Variants in ARID4B observed in about 807,000 individuals in gnomAD.
ARID4B encodes AT-rich interaction domain 4B, also known as AT-rich interactive domain-containing protein 4B.
Under a neutral mutation model 147.5 loss-of-function variants are expected in ARID4B, and 26 were observed. The observed-to-expected ratio is 0.18, with a 90% CI of 0.13 to 0.24. The LOEUF is 0.24. Among genes scored for constraint, ARID4B ranks in the 10% least tolerant of loss-of-function variants. The pLI is 1.00. For synonymous variants in ARID4B, 512 were observed against 507.9 expected, an observed-to-expected ratio of 1.01 and a Z score of -0.11; for missense variants, 1,179 against 1,511.5, an observed-to-expected ratio of 0.78 and a Z score of 3.65.
chr1:235,249,938 CA>C (rs527488457), intron 6 of ARID4B, among the ~76,000 whole-genome samples: 16,563 of 92,672 alleles, frequency 0.18, 1,171 homozygotes, highest in African/African-American at 0.27. Flanking sequence ...GACTCCATCT[CA>C]AAAAAAAAAA....
chr1:235,327,230 T>G, intron 1 of ARID4B: 2 of 282,578 alleles, frequency 7.1e-6, no homozygotes, highest in Non-Finnish European at 1.4e-5. Flanking sequence ...ATGACGCCAT[T>G]TCTGTCAGAG....
chr1:235,200,926 A>T (rs1665871757), intron 17 of ARID4B, among the ~76,000 whole-genome samples: 1 of 152,058 alleles, frequency 6.6e-6, no homozygotes, highest in South Asian at 2.1e-4. Flanking sequence ...GGCGGATCAC[A>T]AGATCAGGTG....
Position 235,180,245 on chromosome 1 carries a change from T to A in ARID4B, c.3334+1340A>T, listed in dbSNP as rs542120636. ...CAGCCTTTCCGGGATCAAGTGATTCTCCCTCATCAGCCCCCAAGGTAGCTG... is the reference window on the plus strand; with the variant it reads ...CAGCCTTTCCGGGATCAAGTGATTCACCCTCATCAGCCCCCAAGGTAGCTG... On this transcript the variant is annotated intron_variant, in intron 20 of 23. Transcript: ENST00000264183. 189 of 146,908 alleles carry A rather than the reference T, an allele frequency of 1.3e-3. 1 individual carries two copies. The highest frequency in any genetic ancestry group is 4.6e-3 in the African/African-American group (185 of 40,100). 9.1% of individuals were successfully genotyped at this position (146,908 alleles called of 1,614,324 possible). A position where few individuals can be genotyped will look rare whatever the true frequency, so the allele number is the denominator to read the frequency against.
intron 2 of ARID4B, among the ~76,000 whole-genome samples, chr1:235,273,963 G>A (rs1469478794): frequency 6.6e-6 from 1 of 152,132 alleles, no homozygotes; most frequent in African/African-American, 2.4e-5. Flanking sequence ...AATCAAACCT[G>A]CAACAAGCGA....
At chr1:235,229,159 C>T in intron 11 of ARID4B, 72 bp downstream of exon 11, 10 of 1,533,090 alleles carry the variant, frequency 6.5e-6, no homozygotes, top group Non-Finnish European at 8.8e-6. Context: ...TGACTTAATG[C>T]CAAATCCTAA....
intron 2 of ARID4B, among the ~76,000 whole-genome samples, chr1:235,300,173 T>A (rs982950899): frequency 7.2e-5 from 11 of 152,254 alleles, no homozygotes; most frequent in Admixed American, 5.2e-4. Flanking sequence ...CCCAGCACTT[T>A]GGGAGGCTGA....
chr1:235,172,131 T>C (rs1663410192), intron 23 of ARID4B, among the ~76,000 whole-genome samples: 1 of 152,210 alleles, frequency 6.6e-6, no homozygotes. Flanking sequence ...TGAAAGTGAA[T>C]ATTATGATCT....
intron 20 of ARID4B, 49 bp from the exon 21 acceptor site, chr1:235,177,962 C>G (rs1203884874): frequency 1.3e-5 from 14 of 1,093,172 alleles, no homozygotes; most frequent in Non-Finnish European, 1.9e-5. Flanking sequence ...CCAACATTCC[C>G]TAAGTATAAA....
intron 2 of ARID4B, among the ~76,000 whole-genome samples, chr1:235,287,586 C>T (rs535576724): frequency 6.6e-6 from 1 of 152,274 alleles, no homozygotes; most frequent in South Asian, 2.1e-4. Flanking sequence ...AAATTAATGC[C>T]TAATTATCAG....
intron 2 of ARID4B, among the ~76,000 whole-genome samples, chr1:235,323,754 G>T (rs952214133): frequency 6.6e-6 from 1 of 151,350 alleles, no homozygotes; most frequent in African/African-American, 2.4e-5. Context: ...ACTGCACTCC[G>T]GCCTGGGCAA....
At chr1:235,325,703 T>G (rs765955347) in intron 2 of ARID4B, among the ~76,000 whole-genome samples, 3 of 152,254 alleles carry the variant, frequency 2.0e-5, no homozygotes, top group Non-Finnish European at 4.4e-5. Flanking sequence ...AAGGGATTCA[T>G]TCCTGAAACA....
chr1:235,246,302 CGAAATTACTATTAGATCT>C (rs879554276), intron 7 of ARID4B, 100 bp downstream of exon 7: 34 of 783,134 alleles, frequency 4.3e-5, no homozygotes, highest in Non-Finnish European at 7.0e-5. Flanking sequence ...CTATTAGATC[CGAAATTACTATTAGATCT>C]GGTTAGCATT....
At chr1:235,311,737 G>A (rs1674068112) in intron 2 of ARID4B, among the ~76,000 whole-genome samples, 1 of 150,426 alleles carries the variant, frequency 6.6e-6, no homozygotes, top group Admixed American at 6.6e-5. Context: ...CTGTGCCACT[G>A]CACTCCAGCC....
intron 11 of ARID4B, 124 bp from the exon 12 acceptor site, chr1:235,224,899 A>G (rs1667725997): frequency 3.0e-6 from 2 of 662,646 alleles, no homozygotes; most frequent in Admixed American, 3.0e-5. Context: ...TTACGTAATC[A>G]AAGTTACTCT....
In ARID4B at chr1:235,213,950, CCT is replaced by C; in HGVS notation, c.1658_1659del (p.Glu553GlyfsTer2). 6.2e-7 allele frequency: 1 copy of C among 1,606,708 alleles called. No individual in the cohort carries two copies. The highest frequency in any genetic ancestry group is 8.5e-7 in the Non-Finnish European group (1 of 1,173,874). ...EEEEEEEEEE[E>X]DEDDDDNNEE... The stretch of plus-strand genomic sequence containing the variant: ...TCATTGTTGTCATCATCATCTTCAT[CCT>C]CTTCTTCTTCTTCCTCCTCCTCCTC... On this transcript the variant is annotated frameshift_variant, in exon 17 of 24. Coordinates refer to ENST00000264183, the MANE Select transcript of ARID4B (RefSeq NM_016374.6). LOFTEE classifies it high-confidence loss of function.
chr1:235,327,670 G>A (rs1268163536), intron 1 of ARID4B, 99 bp downstream of exon 1: 2 of 152,332 alleles, frequency 1.3e-5, no homozygotes, highest in Non-Finnish European at 2.9e-5. Context: ...GGCGCCGCAG[G>A]GACCACCACC....
intron 2 of ARID4B, among the ~76,000 whole-genome samples, chr1:235,299,255 C>T (rs1672961660): frequency 6.6e-6 from 1 of 152,164 alleles, no homozygotes; most frequent in Admixed American, 6.5e-5. Flanking sequence ...GCCCTGTCAC[C>T]CAGGCTGGAG....
Position 235,278,525 on chromosome 1 carries a change from T to C in ARID4B, c.7-17773A>G, listed in dbSNP as rs16832529. ...AGAAAATGGTGAAGAGAGAATCTAC[T>C]AGACTGTGATTACCCAAGGGAGATG... On this transcript the variant is annotated intron_variant, in intron 2 of 23. Transcript: ENST00000264183. Among the ~76,000 whole-genome samples the C allele has an allele frequency of 6.5e-3, 985 of 152,266 alleles. 7 individuals are homozygous for C. The highest frequency in any genetic ancestry group is 0.022 in the African/African-American group (911 of 41,540).
In ARID4B at chr1:235,181,566, T is replaced by C. The variant is rs1318144178; in HGVS notation, c.3334+19A>G. Reference sequence around the variant, plus strand: ...GGGGAAACCCTAAAATAAGTCAACATACACATTTTCCTTCTCACCTTTTTC... The same window carrying C: ...GGGGAAACCCTAAAATAAGTCAACACACACATTTTCCTTCTCACCTTTTTC... On this transcript the variant is annotated intron_variant, in intron 20 of 23. Coordinates refer to ENST00000264183, the MANE Select transcript of ARID4B (RefSeq NM_016374.6). 5.0e-6 allele frequency: 8 copies of C among 1,605,802 alleles called. No individual in the cohort carries two copies. Among genetic ancestry groups the C allele is most frequent in the Non-Finnish European group, 5.9e-6 (7 of 1,177,852 alleles).
Sources: gnomAD v4.1 joint callset for allele counts (sites outside exome capture counted in the v4.1 genomes callset) on GRCh38, gnomAD v4.1.1 for gene constraint, MANE v1.5 for transcripts, NCBI Gene and HGNC (gene_info 2026-07-23, HGNC 2026-07-21) for gene names.